The following CTTN variants were observed in gnomAD, a reference collection of about 807,000 sequenced individuals.
CTTN encodes the protein src substrate cortactin.
In CTTN, 28 loss-of-function variants were observed where a neutral mutation model predicts 84.0. That is an observed-to-expected ratio of 0.33 (90% CI 0.25 to 0.46). CTTN has a LOEUF of 0.46. Ranked by LOEUF, CTTN falls within the 20% of genes least tolerant of loss-of-function variation. The probability of loss-of-function intolerance (pLI) is 1.00; values close to 1 mark genes in which losing one functional copy is unlikely to be tolerated. For missense variants in CTTN, 641 were observed against 723.8 expected (o/e 0.89, Z 1.31); for synonymous variants, 301 against 288.8 (o/e 1.04, Z -0.43).
At chr11:70,426,607 G>C (rs1217113945) in intron 13 of CTTN, among the ~76,000 whole-genome samples, 1 of 150,252 alleles carries the variant, frequency 6.7e-6, no homozygotes, top group Non-Finnish European at 1.5e-5. Flanking sequence ...TTTTGAGACA[G>C]AGTATCACTT....
intron 15 of CTTN, among the ~76,000 whole-genome samples, chr11:70,431,883 C>T (rs2058357542): frequency 6.6e-6 from 1 of 152,194 alleles, no homozygotes; most frequent in African/African-American, 2.4e-5. Flanking sequence ...CTCCTGCTCC[C>T]CGCCAGCACC....
intron 1 of CTTN, among the ~76,000 whole-genome samples, chr11:70,400,675 C>A (rs2057967999): frequency 6.6e-6 from 1 of 152,244 alleles, no homozygotes; most frequent in Non-Finnish European, 1.5e-5. Flanking sequence ...GATCTTCAGT[C>A]TGTGCCACGC....
chr11:70,407,314 C>T lies in CTTN; in HGVS notation c.17C>T (p.Ala6Val). 1 of 1,551,984 alleles carries T rather than the reference C, an allele frequency of 6.4e-7. No individual in the cohort carries two copies. The highest frequency in any genetic ancestry group is 2.0e-5 in the Admixed American group (1 of 51,108). ...CTCTTTCAGATGTGGAAAGCTTCAG[C>T]AGGCCACGCTGTGTCCATCGCCCAG... MWKAS[A>V]GHAVSIAQDD... Residue 6 changes from alanine to valine, a missense_variant, in exon 3 of 18, where the codon GCA (alanine) becomes GTA (valine). Physicochemically the swap from Ala to Val is moderately conservative, Grantham distance 64 (BLOSUM62 0). This residue lies in a region of CTTN where 284 missense variants were observed against 348.4 expected (regional missense o/e 0.82). Transcript: ENST00000301843.
intron 8 of CTTN, among the ~76,000 whole-genome samples, chr11:70,418,806 C>T (rs2058194503): frequency 1.4e-5 from 2 of 144,252 alleles, no homozygotes; most frequent in Non-Finnish European, 1.5e-5. Flanking sequence ...GAGACGGAGT[C>T]TCTCTCTCTC....
rs765375399 is a variant in CTTN at position 70,419,844 on chromosome 11, G to A, written c.667G>A (p.Glu223Lys). The change falls in exon 9 of 18, where the codon GAG becomes AAG. Residue 223 changes from glutamate (E) to lysine (K), a missense_variant. Transcript: ENST00000301843. ...FEYQGKTEKH[E>K]SQKDYVKGFG... The stretch of plus-strand genomic sequence containing the variant: ...GTATCAAGGCAAAACGGAGAAGCAC[G>A]AGTCCCAGAAAGGTGTCTTCCGTTT... The A allele has an allele frequency of 1.7e-5, 28 of 1,613,108 alleles. No individual in the cohort carries two copies. Among genetic ancestry groups the A allele is most frequent in the African/African-American group, 2.7e-5 (2 of 74,894 alleles).
Position 70,429,201 on chromosome 11 carries a change from T to C in CTTN, c.1176+2T>C. 1 of 1,610,636 alleles carries C rather than the reference T, an allele frequency of 6.2e-7. No individual in the cohort carries two copies. The highest frequency in any genetic ancestry group is 8.5e-7 in the Non-Finnish European group (1 of 1,178,910). On this transcript the variant is annotated splice_donor_variant, in intron 14 of 17. Transcript: ENST00000301843. LOFTEE classifies it high-confidence loss of function. ...GAAGAGGCCAGGAGGAAGCTGGAGG[T>C]GAGTGGCAAGGAGTGGGCCGCAGCG... is the stretch of plus-strand genomic sequence containing the variant.
chr11:70,410,009 A>G (rs370665823), intron 5 of CTTN, 49 bp downstream of exon 5: 146 of 1,605,164 alleles, frequency 9.1e-5, no homozygotes, highest in Admixed American at 3.4e-5. Flanking sequence ...TGCTTGGACC[A>G]CTAGACTGGG....
chr11:70,410,769 C>T (rs574017880), intron 5 of CTTN, among the ~76,000 whole-genome samples: 1 of 152,314 alleles, frequency 6.6e-6, no homozygotes, highest in South Asian at 2.1e-4. Flanking sequence ...CTGACAGATG[C>T]TTGCCTTTAC....
At chr11:70,400,909 G>A (rs2057971032) in intron 1 of CTTN, among the ~76,000 whole-genome samples, 1 of 152,238 alleles carries the variant, frequency 6.6e-6, no homozygotes, top group Non-Finnish European at 1.5e-5. Flanking sequence ...GAGTAAGTGT[G>A]GTGTAGGGAG....
At chr11:70,433,358 C>T (rs541570456) in intron 16 of CTTN, 80 bp downstream of exon 16, 114 of 1,407,484 alleles carry the variant, frequency 8.1e-5, no homozygotes, top group South Asian at 3.4e-4. Context: ...GGCGTCGTTG[C>T]GAGGAGCGTG....
chr11:70,433,524 G>C (rs2058379142), intron 16 of CTTN, 123 bp from the exon 17 acceptor site: 1 of 871,608 alleles, frequency 1.1e-6, no homozygotes, highest in South Asian at 1.4e-5. Flanking sequence ...GAGGAAGGGA[G>C]GGTTTCAGCT....
Position 70,436,075 on chromosome 11 carries a change from A to C in CTTN, c.*913A>C. On this transcript the variant is annotated 3_prime_UTR_variant, in exon 18 of 18. Transcript: ENST00000301843. ...GCCTCTCGGCCTTGGGAAGGAAGGC[A>C]GTGCCTGCTCTGCTGTGAGCCGCCA... 7.0e-7 allele frequency: 1 copy of C among 1,425,200 alleles called. No individual in the cohort carries two copies. The highest frequency in any genetic ancestry group is 9.1e-7 in the Non-Finnish European group (1 of 1,095,584). 88.3% of individuals were successfully genotyped at this position (1,425,200 alleles called of 1,614,324 possible). A position where few individuals can be genotyped will look rare whatever the true frequency, so the allele number is the denominator to read the frequency against.
chr11:70,432,910 G>A (rs1336731553), intron 15 of CTTN, among the ~76,000 whole-genome samples, 191 bp from the exon 16 acceptor site: 1 of 152,188 alleles, frequency 6.6e-6, no homozygotes, highest in East Asian at 1.9e-4. Flanking sequence ...GAAGGAAATG[G>A]CATGTGGGCA....
chr11:70,420,033 C>T (rs1307742859), intron 9 of CTTN, 177 bp downstream of exon 9: 8 of 625,006 alleles, frequency 1.3e-5, no homozygotes, highest in South Asian at 4.1e-5. Context: ...AATAGGAACT[C>T]GCAGCTTGAG....
chr11:70,416,503 C>T (rs940856491), intron 7 of CTTN, among the ~76,000 whole-genome samples: 4 of 152,196 alleles, frequency 2.6e-5, no homozygotes, highest in Non-Finnish European at 4.4e-5. Flanking sequence ...ACGATCTCGG[C>T]TCACTGCAAC....
At chr11:70,419,989 C>T (rs1480822301) in intron 9 of CTTN, 133 bp downstream of exon 9, 1 of 689,598 alleles carries the variant, frequency 1.5e-6, no homozygotes, top group African/African-American at 1.8e-5. Flanking sequence ...AAATGCCCAA[C>T]TTGAAAACGG....
chr11:70,410,049 G>T, intron 5 of CTTN, 89 bp downstream of exon 5: 3 of 1,455,860 alleles, frequency 2.1e-6, no homozygotes, highest in Non-Finnish European at 2.9e-6. Context: ...TCTTTCCTTA[G>T]ATCAGCAGTT....
intron 14 of CTTN, 22 bp downstream of exon 14, chr11:70,429,221 G>T (rs368847058): frequency 6.2e-7 from 1 of 1,602,122 alleles, no homozygotes; most frequent in Non-Finnish European, 8.5e-7. Context: ...GGAGTGGGCC[G>T]CAGCGCACCC....
chr11:70,405,352 GGAAA>G lies in CTTN; in HGVS notation c.-4_-1del, dbSNP rs1397245618. 6.6e-6 allele frequency: 1 copy of G among 152,204 alleles called. No individual in the cohort carries two copies. Among genetic ancestry groups the G allele is most frequent in the Non-Finnish European group, 1.5e-5 (1 of 68,020 alleles). 9.4% of individuals were successfully genotyped at this position (152,204 alleles called of 1,614,324 possible). A position where few individuals can be genotyped will look rare whatever the true frequency, so the allele number is the denominator to read the frequency against. On this transcript the variant is annotated 5_prime_UTR_variant, in exon 2 of 18. Transcript: ENST00000301843. ...CGTGAACAGCCTTTTATCTCCAAGC[GGAAA>G]GAAAGGTACTTGTGCATTGTGAACA...
Sources: allele counts gnomAD v4.1 joint callset (sites outside exome capture counted in the v4.1 genomes callset), GRCh38; gene constraint gnomAD v4.1.1; regional missense constraint gnomAD v4.1.1; transcripts MANE v1.5; gene names NCBI Gene and HGNC (gene_info 2026-07-23, HGNC 2026-07-21).